The following BEX3 variants were observed in gnomAD, a reference collection of about 807,000 sequenced individuals.
BEX3 encodes brain expressed X-linked 3, also known as protein BEX3.
In BEX3, 1 loss-of-function variant was observed where a neutral mutation model predicts 6.1. The observed-to-expected ratio is 0.16, with a 90% CI of 0.06 to 0.78. The LOEUF (loss-of-function observed/expected upper bound fraction) is 0.78, where lower values mean the gene tolerates loss of function less well. Ranked by LOEUF, BEX3 falls within the 30% of genes least tolerant of loss-of-function variation. The probability of loss-of-function intolerance (pLI) is 0.75; values close to 1 mark genes in which losing one functional copy is unlikely to be tolerated. For synonymous variants in BEX3, 33 were observed against 25.2 expected, an observed-to-expected ratio of 1.31 and a Z score of -0.93; for missense variants, 49 against 84.7, an observed-to-expected ratio of 0.58 and a Z score of 1.65.
intron 2 of BEX3, among the ~76,000 whole-genome samples, 160 bp downstream of exon 2, chrX:103,377,266 G>A (rs987861198): frequency 1.8e-5 from 2 of 110,306 alleles, no homozygotes; most frequent in Non-Finnish European, 3.8e-5. Context: ...AAAATGGTGG[G>A]TTTGGGGGAA....
chrX:103,377,743 G>A lies in BEX3; in HGVS notation c.222G>A (p.Leu74=). The part of the protein sequence containing the change: ...MREIRRKLRE[L]QLRNCLRILM... ...AAATCAGAAGAAAACTTAGGGAGCT[G>A]CAGTTGAGGAATTGTCTGCGTATCC... is the stretch of plus-strand genomic sequence containing the variant. Residue 74 remains leucine, a synonymous_variant, in exon 3 of 3, where the codon CTG becomes CTA. Coordinates refer to ENST00000361298, the MANE Select transcript of BEX3 (RefSeq NM_206917.3). The A allele has an allele frequency of 8.3e-7, 1 of 1,211,755 alleles. No individual in the cohort carries two copies. The highest frequency in any genetic ancestry group is 1.8e-5 in the South Asian group (1 of 56,959).
Position 103,377,761 on chromosome X carries a change from G to A in BEX3, c.240G>A (p.Leu80=), listed in dbSNP as rs1569322284. ...GGGAGCTGCAGTTGAGGAATTGTCT[G>A]CGTATCCTTATGGGGGAGCTCTCTA... ...KLRELQLRNC[L]RILMGELSNH... The change falls in exon 3 of 3, where the codon CTG becomes CTA. Residue 80 remains leucine, a synonymous_variant. Coordinates refer to ENST00000361298, the MANE Select transcript of BEX3 (RefSeq NM_206917.3). 8.3e-7 allele frequency: 1 copy of A among 1,209,870 alleles called. No individual in the cohort carries two copies. Among genetic ancestry groups the A allele is most frequent in the Non-Finnish European group, 1.1e-6 (1 of 895,137 alleles).
intron 2 of BEX3, 95 bp from the exon 3 acceptor site, chrX:103,377,415 C>A: frequency 9.5e-7 from 1 of 1,051,393 alleles, no homozygotes; most frequent in Non-Finnish European, 1.3e-6. Context: ...GGTCAGAGCA[C>A]CAAGCATTCA....
At chrX:103,376,480 C>T (rs1354919259), upstream of BEX3, 54 of 749,982 alleles carry the variant, frequency 7.2e-5, no homozygotes, top group Non-Finnish European at 8.5e-5. Context: ...TCGGTGGTGA[C>T]GCGCGGCCCT....
chrX:103,377,661 A>G lies in BEX3; in HGVS notation c.140A>G (p.Asn47Ser). The change falls in exon 3 of 3, where the codon AAT (asparagine) becomes AGT (serine). Residue 47 changes from asparagine to serine, a missense_variant. Asn to Ser is a conservative substitution (Grantham distance 46). Transcript: ENST00000361298. ...TGGGCCATACCCAATAGGCAGATCA[A>G]TGATGGGATGGGTGGAGATGGAGAT... ...FRWAIPNRQI[N>S]DGMGGDGDDM... 1 of 1,211,448 alleles carries G rather than the reference A, an allele frequency of 8.3e-7. No homozygotes were observed. Among genetic ancestry groups the G allele is most frequent in the Non-Finnish European group, 1.1e-6 (1 of 895,369 alleles).
Position 103,376,552 on chromosome X carries a change from A to C in BEX3, c.-153A>C. On this transcript the variant is annotated 5_prime_UTR_variant, in exon 1 of 3. Transcript: ENST00000361298. Reference sequence around the variant, plus strand: ...GTGCAGTCGTCACTCGCGTCTGGCTACCAGCTCCCCGCTGCCCTGAGCTCG... The same window carrying C: ...GTGCAGTCGTCACTCGCGTCTGGCTCCCAGCTCCCCGCTGCCCTGAGCTCG... 6 of 753,805 alleles carry C rather than the reference A, an allele frequency of 8.0e-6. No individual in the cohort carries two copies. The highest frequency in any genetic ancestry group is 9.4e-6 in the Non-Finnish European group (6 of 639,048). The allele number at this position is 753,805 out of a possible 1,213,427, so 62.1% of individuals were successfully genotyped here.
Position 103,376,577 on chromosome X carries a change from G to C in BEX3, c.-128G>C, listed in dbSNP as rs1167120056. The C allele has an allele frequency of 1.3e-6, 1 of 751,468 alleles. No homozygotes were observed. The highest frequency in any genetic ancestry group is 1.6e-6 in the Non-Finnish European group (1 of 638,452). 61.9% of individuals were successfully genotyped at this position (751,468 alleles called of 1,213,427 possible). A position where few individuals can be genotyped will look rare whatever the true frequency, so the allele number is the denominator to read the frequency against. On this transcript the variant is annotated 5_prime_UTR_variant, in exon 1 of 3. Transcript: ENST00000361298. ...ACCAGCTCCCCGCTGCCCTGAGCTC[G>C]GCGGGCTGGCATTCGGCCCGGGGAA... is the stretch of plus-strand genomic sequence containing the variant.
intron 2 of BEX3, 25 bp from the exon 3 acceptor site, chrX:103,377,485 T>C (rs763838213): frequency 2.1e-5 from 25 of 1,181,321 alleles, no homozygotes; most frequent in Non-Finnish European, 3.4e-6. Flanking sequence ...AAAAAAAAAA[T>C]CTCATCATGG....
intron 2 of BEX3, 111 bp downstream of exon 2, chrX:103,377,217 G>T: frequency 1.5e-4 from 41 of 265,496 alleles, no homozygotes; most frequent in Non-Finnish European, 2.0e-4. Context: ...CCTCCATTTT[G>T]GTGCCTGCAA....
chrX:103,376,516 C>G (rs1927226185), upstream of BEX3: 25 of 750,798 alleles, frequency 3.3e-5, no homozygotes, highest in Admixed American at 8.8e-5. Context: ...TGCAGAGCGA[C>G]GCAGCCTTCG....
In BEX3 at chrX:103,377,578, C is replaced by T. The variant is rs1927272881; in HGVS notation, c.57C>T (p.Gly19=). The part of the protein sequence containing the change: ...EEDRPLGGGE[G]HQPAGNRRGQ... ...ACCGCCCTTTGGGAGGAGGTGAAGG[C>T]CACCAGCCTGCAGGAAATCGACGGG... Residue 19 remains glycine (G), a synonymous_variant, in exon 3 of 3, where the codon GGC becomes GGT. Transcript: ENST00000361298. The T allele has an allele frequency of 1.7e-6, 2 of 1,211,675 alleles. No individual in the cohort carries two copies. The highest frequency in any genetic ancestry group is 1.1e-6 in the Non-Finnish European group (1 of 895,484).
At chrX:103,377,312 T>A in intron 2 of BEX3, 198 bp from the exon 3 acceptor site, 1 of 166,181 alleles carries the variant, frequency 6.0e-6, no homozygotes, top group Non-Finnish European at 9.8e-6. Context: ...GGAGGGGCTT[T>A]AATTGGAGGC....
At position 103,377,874 on chromosome X, in the gene BEX3, C is replaced by T. The variant is rs1555998788; in HGVS notation, c.*47C>T. On this transcript the variant is annotated 3_prime_UTR_variant, in exon 3 of 3. Transcript: ENST00000361298. The stretch of plus-strand genomic sequence containing the variant: ...TTAATACTGTGATTCCCGCTGTTTT[C>T]TTTTTCCTTGCATTTTCCTAATATG... 4.0e-6 allele frequency: 4 copies of T among 1,008,664 alleles called. No individual in the cohort carries two copies. The Admixed American group carries it at 1.1e-4, about 27-fold the overall frequency. 83.1% of individuals were successfully genotyped at this position (1,008,664 alleles called of 1,213,427 possible).
Position 103,377,976 on chromosome X carries a change from T to A in BEX3, c.*149T>A. The A allele has an allele frequency of 2.1e-6, 1 of 467,316 alleles. No individual in the cohort carries two copies. The highest frequency in any genetic ancestry group is 3.7e-6 in the Non-Finnish European group (1 of 273,684). 38.5% of individuals were successfully genotyped at this position (467,316 alleles called of 1,213,427 possible). On this transcript the variant is annotated 3_prime_UTR_variant, in exon 3 of 3. Transcript: ENST00000361298. ...GGGTCTTGTGTTGCCAGCTTCTATTTGAAGATTGCCTTTGCACTCAGTGTA... is the reference window on the plus strand; with the variant it reads ...GGGTCTTGTGTTGCCAGCTTCTATTAGAAGATTGCCTTTGCACTCAGTGTA...
rs1927294801 is a variant in BEX3, at chrX:103,378,127, T to C, written c.*300T>C. 1 of 234,470 alleles carries C rather than the reference T, an allele frequency of 4.3e-6. No homozygotes were observed. Among genetic ancestry groups the C allele is most frequent in the Non-Finnish European group, 8.0e-6 (1 of 125,743 alleles). 19.3% of individuals were successfully genotyped at this position (234,470 alleles called of 1,213,427 possible). ...GTATACTTACATATAACAGATGAAC[T>C]AAAAAAAAATCTGAGATTAAATACA... On this transcript the variant is annotated 3_prime_UTR_variant, in exon 3 of 3. Coordinates refer to ENST00000361298, the MANE Select transcript of BEX3 (RefSeq NM_206917.3).
intron 2 of BEX3, 105 bp from the exon 3 acceptor site, chrX:103,377,404 TG>T: frequency 1.0e-6 from 1 of 999,896 alleles, no homozygotes. Context: ...TGAATCCTGC[TG>T]GTCAGAGCAC....
rs1385484501 is a variant in BEX3, at chrX:103,376,596, C to G, written c.-109C>G. 2 of 750,637 alleles carry G rather than the reference C, an allele frequency of 2.7e-6. No homozygotes were observed. Among genetic ancestry groups the G allele is most frequent in the African/African-American group, 4.7e-5 (2 of 42,833 alleles). 61.9% of individuals were successfully genotyped at this position (750,637 alleles called of 1,213,427 possible). ...GAGCTCGGCGGGCTGGCATTCGGCC[C>G]GGGGAAAAGCGGAGCAGGTAAGGGC... is the stretch of plus-strand genomic sequence containing the variant. On this transcript the variant is annotated 5_prime_UTR_variant, in exon 1 of 3. Transcript: ENST00000361298.
At chrX:103,377,333 A>C in intron 2 of BEX3, 177 bp from the exon 3 acceptor site, 55 of 533,711 alleles carry the variant, frequency 1.0e-4, no homozygotes, top group Non-Finnish European at 1.4e-4. Context: ...CCCGTAGAGG[A>C]CGCGCGGAAC....
At chrX:103,377,363 G>T in intron 2 of BEX3, 147 bp from the exon 3 acceptor site, 1 of 814,942 alleles carries the variant, frequency 1.2e-6, no homozygotes, top group Non-Finnish European at 1.7e-6. Flanking sequence ...GGGAAAAAAC[G>T]AAATTAAAAA....
Sources: gnomAD v4.1 joint callset for allele counts (sites outside exome capture counted in the v4.1 genomes callset) on GRCh38, gnomAD v4.1.1 for gene constraint, MANE v1.5 for transcripts, NCBI Gene and HGNC (gene_info 2026-07-23, HGNC 2026-07-21) for gene names.